Variants in USH2A observed in about 807,000 individuals in gnomAD.
USH2A encodes Usher syndrome 2A (autosomal recessive, mild).
A neutral mutation model predicts 538.9 loss-of-function variants in USH2A; 443 were observed. The ratio of observed to expected loss-of-function variants is 0.82; its 90% CI spans 0.76 to 0.89. The LOEUF is 0.89. Among genes scored for constraint, USH2A ranks in the 40% least tolerant of loss-of-function variants. The probability of loss-of-function intolerance (pLI) is 0.00; values close to 1 mark genes in which losing one functional copy is unlikely to be tolerated. For missense variants in USH2A, 6,633 were observed against 6,324.8 expected (o/e 1.05, Z -1.65); for synonymous variants, 2,413 against 2,273.5 (o/e 1.06, Z -1.75).
intron 61 of USH2A, among the ~76,000 whole-genome samples, chr1:215,713,097 G>A (rs1457727893): frequency 6.6e-6 from 1 of 152,208 alleles, no homozygotes; most frequent in East Asian, 1.9e-4. Flanking sequence ...ATGAGCCACA[G>A]CGCCCGGCCA....
intron 35 of USH2A, among the ~76,000 whole-genome samples, chr1:215,988,642 G>C (rs1164528512): frequency 6.6e-6 from 1 of 152,174 alleles, no homozygotes; most frequent in Non-Finnish European, 1.5e-5. Context: ...AAGGGTTCCA[G>C]TTTCTCCACA....
At chr1:216,397,513 T>A (rs1457804470) in intron 3 of USH2A, among the ~76,000 whole-genome samples, 1 of 152,106 alleles carries the variant, frequency 6.6e-6, no homozygotes, top group Non-Finnish European at 1.5e-5. Flanking sequence ...CAGCTGCAGG[T>A]GTGTCTACAG....
chr1:216,241,119 C>T (rs1448510019), intron 13 of USH2A, among the ~76,000 whole-genome samples: 1 of 152,046 alleles, frequency 6.6e-6, no homozygotes, highest in African/African-American at 2.4e-5. Context: ...ATAAAGAAAT[C>T]TCTGAATACT....
At chr1:215,918,536 T>C (rs1004440819) in intron 38 of USH2A, among the ~76,000 whole-genome samples, 4 of 152,122 alleles carry the variant, frequency 2.6e-5, no homozygotes, top group South Asian at 4.1e-4. Context: ...CCTCCAGAAC[T>C]GTGTGAAATA....
At chr1:216,055,565 G>T (rs1027322915) in intron 30 of USH2A, among the ~76,000 whole-genome samples, 7 of 152,158 alleles carry the variant, frequency 4.6e-5, no homozygotes, top group African/African-American at 1.7e-4. Flanking sequence ...TGAAAATAAA[G>T]TTCTAACACA....
At chr1:216,288,405 G>T (rs1247698893) in intron 11 of USH2A, among the ~76,000 whole-genome samples, 2 of 151,952 alleles carry the variant, frequency 1.3e-5, no homozygotes, top group East Asian at 3.9e-4. Context: ...TTTTGTCTTG[G>T]TTTATATTTG....
At chr1:215,889,860 C>T (rs544057898) in intron 40 of USH2A, among the ~76,000 whole-genome samples, 1 of 152,252 alleles carries the variant, frequency 6.6e-6, no homozygotes, top group South Asian at 2.1e-4. Flanking sequence ...TTTCACCATG[C>T]GACACAATCA....
chr1:216,056,390 T>C (rs959039298), intron 30 of USH2A, among the ~76,000 whole-genome samples: 1 of 152,164 alleles, frequency 6.6e-6, no homozygotes, highest in Non-Finnish European at 1.5e-5. Flanking sequence ...GCCTCTGATA[T>C]TGTTATTCCA....
intron 64 of USH2A, among the ~76,000 whole-genome samples, chr1:215,654,836 TA>T (rs1269364720): frequency 6.6e-6 from 1 of 152,190 alleles, no homozygotes; most frequent in Non-Finnish European, 1.5e-5. Flanking sequence ...TGTTGTTCAT[TA>T]AAAAAATGAA....
chr1:215,929,181 T>C (rs1356120226), intron 38 of USH2A, among the ~76,000 whole-genome samples: 2 of 152,020 alleles, frequency 1.3e-5, no homozygotes, highest in African/African-American at 2.4e-5. Context: ...GAATAAAATA[T>C]ACAATAATAG....
chr1:216,320,435 T>C (rs1038496505), intron 9 of USH2A, among the ~76,000 whole-genome samples: 2 of 152,154 alleles, frequency 1.3e-5, no homozygotes, highest in African/African-American at 4.8e-5. Flanking sequence ...TAATACACCA[T>C]TCCATACACT....
intron 58 of USH2A, among the ~76,000 whole-genome samples, chr1:215,756,779 C>T (rs1660808187): frequency 6.6e-6 from 1 of 151,940 alleles, no homozygotes; most frequent in African/African-American, 2.4e-5. Context: ...CAAAAATTAG[C>T]CAGGCATGGT....
chr1:216,016,194 G>A (rs1252267597), intron 32 of USH2A, among the ~76,000 whole-genome samples: 1 of 151,682 alleles, frequency 6.6e-6, no homozygotes, highest in African/African-American at 2.4e-5. Context: ...GGCCTGCTGG[G>A]GGGTGGGCGG....
intron 38 of USH2A, among the ~76,000 whole-genome samples, chr1:215,915,612 T>G (rs1186730662): frequency 2.0e-5 from 3 of 152,094 alleles, no homozygotes; most frequent in African/African-American, 2.4e-5. Flanking sequence ...GTTCAAACAT[T>G]GTGGAAGTCA....
At chr1:216,198,199 TG>T (rs2034894767) in intron 18 of USH2A, 115 bp downstream of exon 18, 1 of 1,493,088 alleles carries the variant, frequency 6.7e-7, no homozygotes, top group Non-Finnish European at 9.1e-7. Flanking sequence ...CCTTGGTCTA[TG>T]GAAGTTTCTA....
chr1:216,271,016 C>T (rs1443498913), intron 11 of USH2A, among the ~76,000 whole-genome samples: 1 of 152,088 alleles, frequency 6.6e-6, no homozygotes, highest in African/African-American at 2.4e-5. Context: ...TTTTAATTAT[C>T]ACCAAGTACT....
chr1:215,839,190 T>C (rs1450046399), intron 46 of USH2A, among the ~76,000 whole-genome samples: 2 of 152,160 alleles, frequency 1.3e-5, no homozygotes, highest in Non-Finnish European at 2.9e-5. Context: ...GCATGTCCAA[T>C]TAAATCTGAA....
chr1:216,129,728 C>T (rs180730991), intron 21 of USH2A, among the ~76,000 whole-genome samples: 4 of 151,898 alleles, frequency 2.6e-5, no homozygotes, highest in East Asian at 1.9e-4. Flanking sequence ...TATGGAACCA[C>T]GAAAGACCTA....
intron 14 of USH2A, among the ~76,000 whole-genome samples, chr1:216,221,755 A>C: frequency 6.6e-6 from 1 of 152,136 alleles, no homozygotes; most frequent in East Asian, 1.9e-4. Context: ...CTTTGTTGAC[A>C]CTCCACATAT....
Sources: gnomAD v4.1 joint callset for allele counts (sites outside exome capture counted in the v4.1 genomes callset) on GRCh38, gnomAD v4.1.1 for gene constraint, MANE v1.5 for transcripts, NCBI Gene and HGNC (gene_info 2026-07-23, HGNC 2026-07-21) for gene names.